Variants in DAGLA observed in about 807,000 individuals in gnomAD.
DAGLA encodes diacylglycerol lipase alpha, also known as diacylglycerol lipase-alpha.
A neutral mutation model predicts 102.6 loss-of-function variants in DAGLA; 22 were observed. That is an observed-to-expected ratio of 0.21 (90% CI 0.15 to 0.31). The LOEUF (loss-of-function observed/expected upper bound fraction) is 0.31, where lower values mean the gene tolerates loss of function less well. DAGLA is among the 10% of genes least tolerant of loss of function. The pLI, the probability that DAGLA is intolerant of heterozygous loss-of-function variation, is 1.00. For missense variants in DAGLA, 927 were observed against 1,446.6 expected (o/e 0.64, Z 5.83); for synonymous variants, 578 against 628.9 (o/e 0.92, Z 1.21).
chr11:61,702,350 T>C (rs1237400390), intron 1 of DAGLA, among the ~76,000 whole-genome samples: 1 of 152,204 alleles, frequency 6.6e-6, no homozygotes, highest in African/African-American at 2.4e-5. Flanking sequence ...ATTCCTGGCC[T>C]CTCTACCTCC....
chr11:61,743,804 G>A lies in DAGLA; in HGVS notation c.2444G>A (p.Arg815His), dbSNP rs201080927. Residue 815 changes from arginine to histidine, a missense_variant, in exon 20 of 20, where the codon CGT becomes CAT. Coordinates refer to ENST00000257215, the MANE Select transcript of DAGLA (RefSeq NM_006133.3). ...GSPSLHAVLE[R>H]DEGHLFYIDP... ...CCCAGCCTCCACGCTGTGCTGGAGC[G>A]TGATGAAGGCCACCTCTTCTACATT... 474 of 1,612,456 alleles carry A rather than the reference G, an allele frequency of 2.9e-4. No individual in the cohort carries two copies. The highest frequency in any genetic ancestry group is 3.7e-4 in the Non-Finnish European group (440 of 1,179,954).
At chr11:61,739,261 C>T (rs942121739) in intron 16 of DAGLA, among the ~76,000 whole-genome samples, 3 of 152,302 alleles carry the variant, frequency 2.0e-5, no homozygotes, top group African/African-American at 4.8e-5. Context: ...CCTTATTGGC[C>T]GTCTGGCCAC....
At position 61,737,016 on chromosome 11, in the gene DAGLA, C is replaced by T. The variant is rs1591052161; in HGVS notation, c.1372-166C>T. Reference sequence around the variant, plus strand: ...TTAGAACAGTCTGCCTAAGCAGTCGCTCTGTGGGGCCCTATCTTGGTTCTC... The same window carrying T: ...TTAGAACAGTCTGCCTAAGCAGTCGTTCTGTGGGGCCCTATCTTGGTTCTC... On this transcript the variant is annotated intron_variant, in intron 13 of 19. Coordinates refer to ENST00000257215, the MANE Select transcript of DAGLA (RefSeq NM_006133.3). 2.6e-5 allele frequency among the ~76,000 whole-genome samples: 4 copies of T among 152,358 alleles called. No homozygotes were observed. The South Asian group carries it at 8.3e-4, about 32-fold the overall frequency.
At chr11:61,724,753 C>T (rs2065310344) in intron 5 of DAGLA, among the ~76,000 whole-genome samples, 2 of 152,190 alleles carry the variant, frequency 1.3e-5, no homozygotes, top group Non-Finnish European at 1.5e-5. Flanking sequence ...CTGGCCACCA[C>T]CACCCATCCC....
At chr11:61,697,473 C>T (rs1018356433) in intron 1 of DAGLA, among the ~76,000 whole-genome samples, 1 of 152,194 alleles carries the variant, frequency 6.6e-6, no homozygotes, top group East Asian at 1.9e-4. Flanking sequence ...GGACAGCAGC[C>T]ATTCCTGCGC....
intron 10 of DAGLA, 72 bp from the exon 11 acceptor site, chr11:61,735,489 C>T: frequency 7.2e-7 from 1 of 1,391,328 alleles, no homozygotes; most frequent in South Asian, 1.2e-5. Context: ...AGGAAGGAGA[C>T]CTGCCTAGGT....
intron 1 of DAGLA, among the ~76,000 whole-genome samples, chr11:61,682,795 G>A (rs1021079167): frequency 6.7e-6 from 1 of 149,858 alleles, no homozygotes; most frequent in Non-Finnish European, 1.5e-5. Flanking sequence ...TCCACAGATC[G>A]ATGTGGCTCA....
At position 61,729,008 on chromosome 11, in the gene DAGLA, A is replaced by G. The variant is rs2135591905; in HGVS notation, c.849A>G (p.Ser283=). The change falls in exon 8 of 20, where the codon TCA becomes TCG. Residue 283 remains serine (S), a splice_region_variant and synonymous_variant. Coordinates refer to ENST00000257215, the MANE Select transcript of DAGLA (RefSeq NM_006133.3). ...RNTKYLDLKN[S]QEMLRYKEVC... ...CCAAGTACCTCGACCTCAAGAATTC[A>G]GTGAGTCAGACATCAACTCTCACCC... 6.2e-7 allele frequency: 1 copy of G among 1,613,744 alleles called. No homozygotes were observed. The highest frequency in any genetic ancestry group is 8.5e-7 in the Non-Finnish European group (1 of 1,179,662).
intron 1 of DAGLA, among the ~76,000 whole-genome samples, chr11:61,719,566 CTCCTCACCTTCCATGTTTGT>C (rs1303613317): frequency 6.6e-6 from 1 of 152,262 alleles, no homozygotes; most frequent in Non-Finnish European, 1.5e-5. Flanking sequence ...ATGCCAGGCA[CTCCTCACCTTCCATGTTTGT>C]CAGTCCCAGC....
At chr11:61,711,519 G>A (rs932430234) in intron 1 of DAGLA, among the ~76,000 whole-genome samples, 1 of 152,198 alleles carries the variant, frequency 6.6e-6, no homozygotes, top group South Asian at 2.1e-4. Context: ...GGAAGGCTGG[G>A]GGCAGGAGGA....
chr11:61,712,523 C>T (rs2065202316), intron 1 of DAGLA, among the ~76,000 whole-genome samples: 1 of 152,224 alleles, frequency 6.6e-6, no homozygotes, highest in Non-Finnish European at 1.5e-5. Context: ...TAGGCCTGGG[C>T]GTGTGAGGAC....
chr11:61,729,797 G>A (rs1423805763), intron 8 of DAGLA, among the ~76,000 whole-genome samples: 1 of 152,116 alleles, frequency 6.6e-6, no homozygotes, highest in Non-Finnish European at 1.5e-5. Flanking sequence ...TTTAGGCCAC[G>A]TGTGCTGCCT....
chr11:61,720,383 G>A (rs1464963815), intron 2 of DAGLA, 133 bp downstream of exon 2: 1 of 888,278 alleles, frequency 1.1e-6, no homozygotes, highest in Non-Finnish European at 1.8e-6. Flanking sequence ...CCCGGAGGAG[G>A]TGCCTGAAAC....
In DAGLA at chr11:61,723,416, T is replaced by TC. The variant is rs772894116; in HGVS notation, c.410-15dup. ...GTCCCCAGCGCCCCTACCTAATGCCTCCCACTGCTGCCCGCAGGAATGGTT... is the reference window on the plus strand; with the variant it reads ...GTCCCCAGCGCCCCTACCTAATGCCTCCCCACTGCTGCCCGCAGGAATGGTT... On this transcript the variant is annotated splice_polypyrimidine_tract_variant and intron_variant, in intron 4 of 19. Coordinates refer to ENST00000257215, the MANE Select transcript of DAGLA (RefSeq NM_006133.3). 8.7e-6 allele frequency: 14 copies of TC among 1,608,230 alleles called. No individual in the cohort carries two copies. The highest frequency in any genetic ancestry group is 1.2e-5 in the Non-Finnish European group (14 of 1,175,110).
intron 1 of DAGLA, among the ~76,000 whole-genome samples, chr11:61,704,400 G>A (rs1458883880): frequency 5.3e-5 from 8 of 152,222 alleles, no homozygotes; most frequent in Admixed American, 1.3e-4. Flanking sequence ...GATTACAGGC[G>A]TGAGCCACTG....
chr11:61,696,804 G>A (rs1014859897), intron 1 of DAGLA, among the ~76,000 whole-genome samples: 1 of 152,190 alleles, frequency 6.6e-6, no homozygotes, highest in African/African-American at 2.4e-5. Context: ...TGCAATTACC[G>A]TGTGTAGGGG....
chr11:61,720,935 C>A, intron 3 of DAGLA, 45 bp downstream of exon 3: 2 of 1,562,890 alleles, frequency 1.3e-6, no homozygotes, highest in South Asian at 1.1e-5. Flanking sequence ...CAACTCCCAC[C>A]TCTCCATTCA....
At chr11:61,739,761 G>A in intron 17 of DAGLA, 100 bp downstream of exon 17, 1 of 1,264,532 alleles carries the variant, frequency 7.9e-7, no homozygotes, top group Non-Finnish European at 1.1e-6. Flanking sequence ...CGGGGCTGGG[G>A]GTGGAGGCTG....
intron 1 of DAGLA, among the ~76,000 whole-genome samples, chr11:61,701,752 C>T (rs2065111626): frequency 6.6e-6 from 1 of 152,108 alleles, no homozygotes; most frequent in Non-Finnish European, 1.5e-5. Flanking sequence ...GGTCACACAG[C>T]GGCAGTCAGT....
Sources: gnomAD v4.1 joint callset for allele counts (sites outside exome capture counted in the v4.1 genomes callset) on GRCh38, gnomAD v4.1.1 for gene constraint, MANE v1.5 for transcripts, NCBI Gene and HGNC (gene_info 2026-07-23, HGNC 2026-07-21) for gene names.